Variants in CHIC1 observed in about 807,000 individuals in gnomAD.
The protein encoded by CHIC1 is cysteine rich hydrophobic domain 1.
Under a neutral mutation model 18.5 loss-of-function variants are expected in CHIC1, and 7 were observed. The ratio of observed to expected loss-of-function variants is 0.38; its 90% CI spans 0.22 to 0.71. The LOEUF is 0.71. CHIC1 is among the 30% of genes least tolerant of loss of function. The pLI is 0.49. For missense variants in CHIC1, 159 were observed against 176.9 expected (o/e 0.90, Z 0.57); for synonymous variants, 77 against 73.5 (o/e 1.05, Z -0.25).
intron 3 of CHIC1, among the ~76,000 whole-genome samples, chrX:73,628,695 G>T (rs931304715): frequency 3.2e-4 from 36 of 111,134 alleles, no homozygotes; most frequent in Admixed American, 3.2e-3. Flanking sequence ...ATTCTGGAGT[G>T]TTTTTTGTAT....
At chrX:73,569,898 T>A (rs907179738) in intron 1 of CHIC1, among the ~76,000 whole-genome samples, 4 of 111,078 alleles carry the variant, frequency 3.6e-5, no homozygotes, top group African/African-American at 1.3e-4. Flanking sequence ...CATAAGGGAG[T>A]ATTTTAAGAA....
chrX:73,627,045 C>T (rs1453145982), intron 3 of CHIC1, among the ~76,000 whole-genome samples: 1 of 105,059 alleles, frequency 9.5e-6, no homozygotes, highest in African/African-American at 3.5e-5. Flanking sequence ...TTTGCAGACT[C>T]GTAGAGATAC....
At chrX:73,654,523 A>G (rs1430500383) in intron 3 of CHIC1, among the ~76,000 whole-genome samples, 1 of 111,956 alleles carries the variant, frequency 8.9e-6, no homozygotes, top group Non-Finnish European at 1.9e-5. Flanking sequence ...TGGCTTTGGT[A>G]TCAGGTTAAT....
At chrX:73,596,131 C>T (rs1159276585) in intron 3 of CHIC1, among the ~76,000 whole-genome samples, 2 of 111,680 alleles carry the variant, frequency 1.8e-5, no homozygotes, top group Non-Finnish European at 3.8e-5. Context: ...TCCCTGTTCA[C>T]TCTGATGATA....
intron 3 of CHIC1, among the ~76,000 whole-genome samples, chrX:73,676,431 C>A (rs955743235): frequency 4.5e-5 from 5 of 111,242 alleles, no homozygotes; most frequent in Non-Finnish European, 7.5e-5. Flanking sequence ...TTCTTCGTTT[C>A]TTTTTATTCT....
intron 3 of CHIC1, among the ~76,000 whole-genome samples, chrX:73,636,825 G>A (rs2057833254): frequency 9.1e-6 from 1 of 110,108 alleles, no homozygotes; most frequent in African/African-American, 3.3e-5. Flanking sequence ...CTGACACTTT[G>A]TTATTGATGT....
intron 1 of CHIC1, among the ~76,000 whole-genome samples, chrX:73,576,242 C>T (rs2147543681): frequency 9.1e-6 from 1 of 110,462 alleles, no homozygotes; most frequent in East Asian, 2.8e-4. Context: ...AAAAAGTATA[C>T]TATAGTAAAT....
intron 3 of CHIC1, among the ~76,000 whole-genome samples, chrX:73,614,519 T>G (rs2057723460): frequency 9.0e-6 from 1 of 111,401 alleles, no homozygotes; most frequent in African/African-American, 3.3e-5. Flanking sequence ...TTTAGTAACC[T>G]TATGCTGTCC....
chrX:73,626,203 G>A (rs2057782739), intron 3 of CHIC1, among the ~76,000 whole-genome samples: 1 of 111,784 alleles, frequency 8.9e-6, no homozygotes, highest in African/African-American at 3.3e-5. Context: ...TGTTTCCTCT[G>A]TCTTGCTGCA....
intron 3 of CHIC1, among the ~76,000 whole-genome samples, chrX:73,669,967 G>A (rs1269063804): frequency 1.8e-5 from 2 of 112,062 alleles, no homozygotes; most frequent in African/African-American, 6.5e-5. Flanking sequence ...GTCAGAGTAT[G>A]CAAAGCTCTT....
In CHIC1 at chrX:73,584,429, G is replaced by T; in HGVS notation, c.364G>T (p.Glu122Ter). 8.4e-7 allele frequency: 1 copy of T among 1,186,954 alleles called. No individual in the cohort carries two copies. Among genetic ancestry groups the T allele is most frequent in the Non-Finnish European group, 1.1e-6 (1 of 882,206 alleles). The change falls in exon 3 of 6, where the codon GAA becomes TAA. Residue 122 changes from glutamate to a stop codon, truncating the protein, a stop_gained. Transcript: ENST00000373502. LOFTEE classifies it high-confidence loss of function. Reference sequence around the variant, plus strand: ...TACCCTCTTGTAGGTGGCCCCAGAAGAATTTAAAACCAGCATTGGCCGTGT... The same window carrying T: ...TACCCTCTTGTAGGTGGCCCCAGAATAATTTAAAACCAGCATTGGCCGTGT... ...SVLTGKVAPEEFKTSIGRVNA... is the reference protein window; with the variant it reads ...SVLTGKVAPE
At position 73,609,451 on chromosome X, in the gene CHIC1, G is replaced by A. The variant is rs2147574321; in HGVS notation, c.507+24879G>A. Among the ~76,000 whole-genome samples the A allele has an allele frequency of 1.8e-5, 2 of 108,684 alleles. 1 individual carries two copies. The highest frequency in any genetic ancestry group is 7.1e-5 in the African/African-American group (2 of 28,040). 94.4% of individuals were successfully genotyped at this position (108,684 alleles called of 115,157 possible). A position where few individuals can be genotyped will look rare whatever the true frequency, so the allele number is the denominator to read the frequency against. On this transcript the variant is annotated intron_variant, in intron 3 of 5. Transcript: ENST00000373502. ...ATTTCTTGCTCTCTTGCCTATACTAGAGTGCAGTGGTGCAATCATAGCTCA... is the reference window on the plus strand; with the variant it reads ...ATTTCTTGCTCTCTTGCCTATACTAAAGTGCAGTGGTGCAATCATAGCTCA...
chrX:73,601,411 C>G (rs2057648734), intron 3 of CHIC1, among the ~76,000 whole-genome samples: 1 of 105,802 alleles, frequency 9.5e-6, no homozygotes, highest in African/African-American at 3.7e-5. Context: ...GAATCTCACT[C>G]AAAACCGCTC....
intron 3 of CHIC1, among the ~76,000 whole-genome samples, chrX:73,590,971 C>T (rs903981451): frequency 1.8e-5 from 2 of 111,135 alleles, no homozygotes; most frequent in African/African-American, 6.5e-5. Flanking sequence ...ATTGCTGGAT[C>T]ATGTGGTAAG....
At chrX:73,586,300 C>CT (rs976606941) in intron 3 of CHIC1, among the ~76,000 whole-genome samples, 36 of 110,982 alleles carry the variant, frequency 3.2e-4, no homozygotes, top group African/African-American at 1.1e-3. Context: ...TTCACGGCCT[C>CT]TGATTTTGTA....
chrX:73,617,915 C>T (rs1444788382), intron 3 of CHIC1, among the ~76,000 whole-genome samples: 1 of 111,944 alleles, frequency 8.9e-6, no homozygotes, highest in Non-Finnish European at 1.9e-5. Context: ...TAGACTATGT[C>T]AGAGGGAAGA....
intron 2 of CHIC1, among the ~76,000 whole-genome samples, chrX:73,578,437 G>A (rs1360156284): frequency 9.1e-6 from 1 of 110,489 alleles, no homozygotes; most frequent in African/African-American, 3.3e-5. Flanking sequence ...CTAAAAACAT[G>A]ATTAGGGGTT....
chrX:73,618,022 A>G (rs1340959054), intron 3 of CHIC1, among the ~76,000 whole-genome samples: 3 of 110,010 alleles, frequency 2.7e-5, no homozygotes, highest in Non-Finnish European at 1.9e-5. Flanking sequence ...TGGCTTCCTT[A>G]GAGCTGAACT....
chrX:73,647,266 G>A (rs768530214), intron 3 of CHIC1, among the ~76,000 whole-genome samples: 12 of 112,142 alleles, frequency 1.1e-4, no homozygotes, highest in African/African-American at 3.2e-4. Flanking sequence ...CAGCATCTCA[G>A]CTAGAATCTG....
Sources: gnomAD v4.1 joint callset for allele counts (sites outside exome capture counted in the v4.1 genomes callset) on GRCh38, gnomAD v4.1.1 for gene constraint, MANE v1.5 for transcripts, NCBI Gene and HGNC (gene_info 2026-07-23, HGNC 2026-07-21) for gene names.